TTYH2: variants seen among roughly 807,000 people sequenced by gnomAD.
TTYH2 encodes tweety family member 2, also known as protein tweety homolog 2.
In TTYH2, 49 loss-of-function variants were observed where a neutral mutation model predicts 68.3. The observed-to-expected ratio is 0.72, with a 90% CI of 0.57 to 0.91. The LOEUF is 0.91. Ranked by LOEUF, TTYH2 falls within the 40% of genes least tolerant of loss-of-function variation. TTYH2 has a pLI of 0.00. For synonymous variants in TTYH2, 272 were observed against 300.8 expected, an observed-to-expected ratio of 0.90 and a Z score of 0.99; for missense variants, 631 against 700.4, an observed-to-expected ratio of 0.90 and a Z score of 1.12.
intron 3 of TTYH2, among the ~76,000 whole-genome samples, chr17:74,234,536 G>A (rs1342482096): frequency 6.6e-6 from 1 of 152,226 alleles, no homozygotes; most frequent in Non-Finnish European, 1.5e-5. Flanking sequence ...TTCAAGAACA[G>A]CCTGGGCAGC....
rs1555597190 is a variant in TTYH2, at chr17:74,223,285, T to TG, written c.302+634dup. On this transcript the variant is annotated intron_variant, in intron 2 of 13. Transcript: ENST00000269346. The stretch of plus-strand genomic sequence containing the variant: ...CACCATGCCTGCCTGGCTTTTTTTT[T>TG]GGGGGGCGGGGGGTGGGCGGGGAAG... 7.3e-4 allele frequency among the ~76,000 whole-genome samples: 86 copies of TG among 117,750 alleles called. 1 individual carries two copies. The highest frequency in any genetic ancestry group is 2.3e-3 in the African/African-American group (67 of 28,736). 77.2% of individuals were successfully genotyped at this position (117,750 alleles called of 152,430 possible). A position where few individuals can be genotyped will look rare whatever the true frequency, so the allele number is the denominator to read the frequency against.
In TTYH2 at chr17:74,230,957, C is replaced by T. The variant is rs267605035; in HGVS notation, c.372C>T (p.Ser124=). 2.5e-6 allele frequency: 4 copies of T among 1,614,190 alleles called. No homozygotes were observed. The highest frequency in any genetic ancestry group is 3.4e-6 in the Non-Finnish European group (4 of 1,180,032). Reference sequence around the variant, plus strand: ...ATGGGGCGTACCAGCTGATGTACTCCTTGGACGATGCCAACCACACCTTCT... The same window carrying T: ...ATGGGGCGTACCAGCTGATGTACTCTTTGGACGATGCCAACCACACCTTCT... ...TNDGAYQLMY[S]LDDANHTFSG... Residue 124 remains serine (S), a synonymous_variant, in exon 3 of 14, where the codon TCC becomes TCT. Coordinates refer to ENST00000269346, the MANE Select transcript of TTYH2 (RefSeq NM_032646.6).
At position 74,215,204 on chromosome 17, in the gene TTYH2, TCC is replaced by T. The variant is rs1567807727; in HGVS notation, c.129+1491_129+1492del. 6.7e-6 allele frequency among the ~76,000 whole-genome samples: 1 copy of T among 148,980 alleles called. No homozygotes were observed. Among genetic ancestry groups the T allele is most frequent in the African/African-American group, 2.5e-5 (1 of 40,176 alleles). On this transcript the variant is annotated intron_variant, in intron 1 of 13. Coordinates refer to ENST00000269346, the MANE Select transcript of TTYH2 (RefSeq NM_032646.6). The surrounding 1 kb of genome is among the most constrained non-coding windows in gnomAD (Gnocchi z 4.3). ...GTGTGTGTGTGTGTGTGTGTGTGTG[TCC>T]CCATCCCAAACCCTGTGCCCCACAT...
chr17:74,236,600 A>G (rs1346773639), intron 3 of TTYH2, among the ~76,000 whole-genome samples: 1 of 152,194 alleles, frequency 6.6e-6, no homozygotes, highest in East Asian at 1.9e-4. Flanking sequence ...CTTAGTAGAG[A>G]GCAACAGAGG....
At chr17:74,253,702 C>T (rs2050661723) in intron 12 of TTYH2, 53 bp from the exon 13 acceptor site, 2 of 1,578,812 alleles carry the variant, frequency 1.3e-6, no homozygotes, top group Non-Finnish European at 8.7e-7. Context: ...GAAATCTACA[C>T]ACACCCCCAC....
chr17:74,240,777 C>A (rs1261680187), intron 4 of TTYH2: 1 of 152,114 alleles, frequency 6.6e-6, no homozygotes, highest in Non-Finnish European at 1.5e-5. Flanking sequence ...CAGGCAGAGC[C>A]GAGTTCTTGG....
intron 11 of TTYH2, 78 bp downstream of exon 11, chr17:74,252,454 C>G: frequency 1.3e-6 from 2 of 1,520,546 alleles, no homozygotes; most frequent in Non-Finnish European, 1.8e-6. Flanking sequence ...CTCTGCTCTA[C>G]GATTTAGCTG....
chr17:74,252,442 G>A lies in TTYH2; in HGVS notation c.1259+66G>A, dbSNP rs1043029882. The A allele has an allele frequency of 2.2e-5, 35 of 1,562,038 alleles. No homozygotes were observed. The African/African-American group carries it at 3.1e-4, about 14-fold the overall frequency. On this transcript the variant is annotated intron_variant, in intron 11 of 13. Coordinates refer to ENST00000269346, the MANE Select transcript of TTYH2 (RefSeq NM_032646.6). ...AGTTCTGGGAGAGCAGCAGACAGGG[G>A]CCTCTGCTCTACGATTTAGCTGATA...
chr17:74,255,107 A>G (rs959647441), intron 13 of TTYH2, among the ~76,000 whole-genome samples: 1 of 152,236 alleles, frequency 6.6e-6, no homozygotes, highest in Non-Finnish European at 1.5e-5. Context: ...ACTGGCTGAG[A>G]CAAAGAAAGC....
At position 74,237,369 on chromosome 17, in the gene TTYH2, CG is replaced by C; in HGVS notation, c.494del (p.Gly165AlafsTer7). On this transcript the variant is annotated frameshift_variant, in exon 4 of 14. Transcript: ENST00000269346. LOFTEE classifies it high-confidence loss of function. ...LARLSEIFAA[R>X]GDYLQTLKFI... is the part of the protein sequence containing the mutation. The stretch of plus-strand genomic sequence containing the variant: ...CCGGCTCAGTGAGATCTTTGCTGCC[CG>C]GGGCGATTACCTGCAGACCCTGAAG... 4.3e-6 allele frequency: 7 copies of C among 1,614,116 alleles called. No individual in the cohort carries two copies. The highest frequency in any genetic ancestry group is 5.9e-6 in the Non-Finnish European group (7 of 1,180,032).
intron 2 of TTYH2, among the ~76,000 whole-genome samples, chr17:74,225,468 C>T (rs906306042): frequency 1.3e-5 from 2 of 152,084 alleles, no homozygotes; most frequent in Non-Finnish European, 2.9e-5. Flanking sequence ...GTAGCGTGAC[C>T]CGATAACTCA....
In TTYH2 at chr17:74,260,352, G is replaced by C. The variant is rs574371682; in HGVS notation, c.*143G>C. The C allele has an allele frequency of 1.2e-6, 1 of 813,888 alleles. No individual in the cohort carries two copies. The highest frequency in any genetic ancestry group is 2.6e-5 in the East Asian group (1 of 38,218). The allele number at this position is 813,888 out of a possible 1,614,324, so 50.4% of individuals were successfully genotyped here. On this transcript the variant is annotated 3_prime_UTR_variant, in exon 14 of 14. Transcript: ENST00000269346. Reference sequence around the variant, plus strand: ...TGGCAGAGGAGCAGCTGGGATTCCCGACCAAAGCCCCAGGGGGTGCAGAAG... The same window carrying C: ...TGGCAGAGGAGCAGCTGGGATTCCCCACCAAAGCCCCAGGGGGTGCAGAAG...
At chr17:74,223,617 A>G (rs778551764) in intron 2 of TTYH2, among the ~76,000 whole-genome samples, 2 of 152,186 alleles carry the variant, frequency 1.3e-5, no homozygotes, top group Non-Finnish European at 2.9e-5. Context: ...GCTGGCGTCC[A>G]CATGCATGCT....
intron 2 of TTYH2, among the ~76,000 whole-genome samples, chr17:74,225,908 C>T (rs1244629055): frequency 6.6e-6 from 1 of 152,216 alleles, no homozygotes; most frequent in African/African-American, 2.4e-5. Context: ...AAAATCAGGC[C>T]ATCAGGGAGG....
rs1047704517 is a variant in TTYH2, at chr17:74,239,865, T to C, written c.635+2351T>C. 2.0e-5 allele frequency among the ~76,000 whole-genome samples: 3 copies of C among 152,240 alleles called. No individual in the cohort carries two copies. Among genetic ancestry groups the C allele is most frequent in the African/African-American group, 7.2e-5 (3 of 41,458 alleles). ...CCTGATGCATGGGCCATTCATTGCCTGAGCCTTCGAAATCTTATGTCAGGC... is the reference window on the plus strand; with the variant it reads ...CCTGATGCATGGGCCATTCATTGCCCGAGCCTTCGAAATCTTATGTCAGGC... On this transcript the variant is annotated intron_variant, in intron 4 of 13. Transcript: ENST00000269346. This position sits in a 1 kb window ranked among gnomAD's most constrained non-coding sequence, Gnocchi z 5.3.
chr17:74,222,454 A>G lies in TTYH2; in HGVS notation c.130-31A>G, dbSNP rs2050284746. On this transcript the variant is annotated intron_variant, in intron 1 of 13. Transcript: ENST00000269346. The surrounding 1 kb of genome is among the most constrained non-coding windows in gnomAD (Gnocchi z 5.2). ...CCAGAGCCCCGCACTGCAGGGATGA[A>G]GAGTGACAACAGGCCTCTGCTCTCT... The G allele has an allele frequency of 6.3e-7, 1 of 1,588,080 alleles. No homozygotes were observed. Among genetic ancestry groups the G allele is most frequent in the Admixed American group, 1.7e-5 (1 of 58,680 alleles).
intron 10 of TTYH2, 61 bp downstream of exon 10, chr17:74,250,418 C>T (rs1444084051): frequency 1.4e-6 from 2 of 1,429,860 alleles, no homozygotes; most frequent in East Asian, 2.3e-5. Flanking sequence ...CCACACCTTC[C>T]AGAGAAAAGC....
chr17:74,248,264 C>T (rs1382489268), intron 6 of TTYH2: 2 of 985,568 alleles, frequency 2.0e-6, no homozygotes, highest in Non-Finnish European at 2.4e-6. Context: ...TAGAGCACCC[C>T]AGGCCAGATC....
At chr17:74,258,178 G>C (rs1360507469) in intron 13 of TTYH2, among the ~76,000 whole-genome samples, 1 of 152,028 alleles carries the variant, frequency 6.6e-6, no homozygotes, top group Non-Finnish European at 1.5e-5. Flanking sequence ...AGAAGAAGGA[G>C]GGTCTCATAC....
Sources: allele counts gnomAD v4.1 joint callset (sites outside exome capture counted in the v4.1 genomes callset), GRCh38; gene constraint gnomAD v4.1.1; non-coding constraint Gnocchi (gnomAD v3.1); transcripts MANE v1.5; gene names NCBI Gene and HGNC (gene_info 2026-07-23, HGNC 2026-07-21).